WDPCP: variants seen among roughly 807,000 people sequenced by gnomAD.
WDPCP encodes WD repeat-containing and planar cell polarity effector protein fritz homolog.
Under a neutral mutation model 93.1 loss-of-function variants are expected in WDPCP, and 71 were observed. That is an observed-to-expected ratio of 0.76 (90% CI 0.63 to 0.93). The LOEUF (loss-of-function observed/expected upper bound fraction) is 0.93, where lower values mean the gene tolerates loss of function less well. Among genes scored for constraint, WDPCP ranks in the 40% least tolerant of loss-of-function variants. The probability of loss-of-function intolerance (pLI) is 0.00; values close to 1 mark genes in which losing one functional copy is unlikely to be tolerated. For missense variants in WDPCP, 844 were observed against 887.4 expected (o/e 0.95, Z 0.62); for synonymous variants, 315 against 315.0 (o/e 1.00, Z 0.00).
chr2:63,605,902 T>A, intron 3 of WDPCP: 1 of 1,533,408 alleles, frequency 6.5e-7, no homozygotes. Context: ...TTGTGTAAAC[T>A]AATCATCATG....
chr2:63,770,892 A>G (rs545265009), intron 2 of WDPCP, among the ~76,000 whole-genome samples: 95 of 152,008 alleles, frequency 6.2e-4, no homozygotes, highest in Admixed American at 1.1e-3. Flanking sequence ...ACTCTTCCCA[A>G]TTTCTTGTTT....
At chr2:63,320,668 C>G (rs1259876885) in intron 12 of WDPCP, among the ~76,000 whole-genome samples, 4 of 151,136 alleles carry the variant, frequency 2.6e-5, no homozygotes, top group African/African-American at 9.7e-5. Flanking sequence ...CCTTACAGCA[C>G]CACTAAAAAA....
At chr2:63,481,023 C>G (rs2105885925) in intron 6 of WDPCP, among the ~76,000 whole-genome samples, 2 of 152,008 alleles carry the variant, frequency 1.3e-5, no homozygotes, top group South Asian at 4.2e-4. Flanking sequence ...CTACAATGAA[C>G]TCAAACAAAT....
intron 14 of WDPCP, among the ~76,000 whole-genome samples, chr2:63,178,725 T>C (rs1323856774): frequency 6.6e-6 from 1 of 152,194 alleles, no homozygotes; most frequent in Admixed American, 6.6e-5. Flanking sequence ...CTCTAAACTT[T>C]ATTATTTTCT....
At chr2:63,680,134 C>G (rs560632254) in intron 2 of WDPCP, among the ~76,000 whole-genome samples, 27 of 152,288 alleles carry the variant, frequency 1.8e-4, no homozygotes, top group African/African-American at 5.8e-4. Flanking sequence ...TAAATAGAAG[C>G]CTTCACTGAT....
At chr2:63,349,321 T>C (rs1689414750) in intron 12 of WDPCP, among the ~76,000 whole-genome samples, 1 of 152,118 alleles carries the variant, frequency 6.6e-6, no homozygotes, top group African/African-American at 2.4e-5. Context: ...AGTTTAAATG[T>C]ATAGAAGTAC....
chr2:63,661,877 G>A (rs1268681824), intron 2 of WDPCP, among the ~76,000 whole-genome samples: 1 of 152,144 alleles, frequency 6.6e-6, no homozygotes, highest in Non-Finnish European at 1.5e-5. Context: ...AGTCAGTAAG[G>A]GGAGCTTCCA....
intron 14 of WDPCP, among the ~76,000 whole-genome samples, chr2:63,231,912 G>A (rs936808619): frequency 1.3e-5 from 2 of 152,064 alleles, no homozygotes; most frequent in Non-Finnish European, 2.9e-5. Flanking sequence ...GAGGCATCAC[G>A]TTACCTGACT....
At chr2:63,166,164 C>T (rs532215210) in intron 15 of WDPCP, among the ~76,000 whole-genome samples, 1 of 151,874 alleles carries the variant, frequency 6.6e-6, no homozygotes, top group African/African-American at 2.4e-5. Context: ...CCTCTCGGGT[C>T]CAAGCAATTC....
At position 63,166,355 on chromosome 2, in the gene WDPCP, G is replaced by A. The variant is rs575712996; in HGVS notation, c.2078+8315C>T. Among the ~76,000 whole-genome samples the A allele has an allele frequency of 5.4e-4, 82 of 151,972 alleles. 1 individual carries two copies. Among genetic ancestry groups the A allele is most frequent in the Non-Finnish European group, 1.1e-3 (75 of 67,952 alleles). Reference sequence around the variant, plus strand: ...GCTGGGATTACAGGCATGAGCCACCGTGCCTGGCTAATTTTTAATTTGTTG... The same window carrying A: ...GCTGGGATTACAGGCATGAGCCACCATGCCTGGCTAATTTTTAATTTGTTG... On this transcript the variant is annotated intron_variant, in intron 15 of 17. Coordinates refer to ENST00000272321, the MANE Select transcript of WDPCP (RefSeq NM_015910.7).
chr2:63,347,326 T>C (rs1689258049), intron 12 of WDPCP, among the ~76,000 whole-genome samples: 1 of 152,210 alleles, frequency 6.6e-6, no homozygotes, highest in Admixed American at 6.5e-5. Context: ...ATTATAAGTA[T>C]ATCTGATACA....
chr2:63,148,421 C>A (rs1042827417), intron 17 of WDPCP, among the ~76,000 whole-genome samples: 2 of 152,184 alleles, frequency 1.3e-5, no homozygotes, highest in African/African-American at 2.4e-5. Context: ...CTCACTGCAA[C>A]CTCTGCCTCC....
In WDPCP at chr2:63,622,452, C is replaced by T. The variant is rs972050265; in HGVS notation, n.488+28207G>A. 4.3e-6 allele frequency: 7 copies of T among 1,613,788 alleles called. No individual in the cohort carries two copies. The African/African-American group carries it at 5.3e-5, about 12-fold the overall frequency. ...GCTAGAGGAGACCCAGGCTTCCCGG[C>T]GGATTTCAGTCCAGCCGCTGTTGTC... On this transcript the variant is annotated intron_variant and non_coding_transcript_variant, in intron 3 of 4. Coordinates refer to the WDPCP transcript ENST00000467687.
At chr2:63,395,586 G>A (rs894255615) in intron 10 of WDPCP, among the ~76,000 whole-genome samples, 2 of 152,118 alleles carry the variant, frequency 1.3e-5, no homozygotes, top group Non-Finnish European at 2.9e-5. Context: ...ATAATGGAAA[G>A]CGTATCAATG....
At chr2:63,575,008 T>C (rs186389606) in intron 1 of WDPCP, among the ~76,000 whole-genome samples, 29 of 152,224 alleles carry the variant, frequency 1.9e-4, no homozygotes, top group African/African-American at 6.0e-4. Context: ...AGAATCATGA[T>C]CATATTCACT....
At chr2:63,627,577 C>T (rs1709823027) in intron 3 of WDPCP, among the ~76,000 whole-genome samples, 1 of 152,132 alleles carries the variant, frequency 6.6e-6, no homozygotes. Flanking sequence ...CCCTAGGCTC[C>T]ACTGGTAGAG....
chr2:63,565,673 C>T (rs1219249560), intron 1 of WDPCP, among the ~76,000 whole-genome samples: 2 of 151,990 alleles, frequency 1.3e-5, no homozygotes, highest in Non-Finnish European at 2.9e-5. Flanking sequence ...CCATATATAA[C>T]CTGGAATCCC....
intron 2 of WDPCP, among the ~76,000 whole-genome samples, chr2:63,809,432 C>G (rs528416735): frequency 1.3e-5 from 2 of 152,086 alleles, no homozygotes; most frequent in African/African-American, 2.4e-5. Context: ...TCATTGAGAA[C>G]GGGCCATGAT....
At chr2:63,718,075 AAT>A (rs1409753002) in intron 2 of WDPCP, among the ~76,000 whole-genome samples, 1 of 152,146 alleles carries the variant, frequency 6.6e-6, no homozygotes. Flanking sequence ...TTAAACAATG[AAT>A]AGTGATCCCA....
Sources: allele counts gnomAD v4.1 joint callset (sites outside exome capture counted in the v4.1 genomes callset), GRCh38; gene constraint gnomAD v4.1.1; transcripts MANE v1.5; gene names NCBI Gene and HGNC (gene_info 2026-07-23, HGNC 2026-07-21).